Variants in KLK4 observed in about 807,000 individuals in gnomAD.
KLK4 encodes the protein kallikrein-4.
A neutral mutation model predicts 24.3 loss-of-function variants in KLK4; 24 were observed. The observed-to-expected ratio is 0.99, with a 90% confidence interval of 0.72 to 1.39. The LOEUF is 1.39. Among genes scored for constraint, KLK4 ranks in the 40% most tolerant of loss-of-function variants. The pLI is 0.00. For missense variants in KLK4, 344 were observed against 327.4 expected, an observed-to-expected ratio of 1.05 and a Z score of -0.39; for synonymous variants, 142 against 138.8, an observed-to-expected ratio of 1.02 and a Z score of -0.16.
chr19:50,908,007 C>A (rs7255024), intron 5 of KLK4: 27,252 of 398,964 alleles, frequency 0.068, 1,195 homozygotes, highest in South Asian at 0.14. Flanking sequence ...TGGTAAGGCT[C>A]CCCGTCAACA....
rs751998697 is a variant in KLK4 at position 50,908,531 on chromosome 19, G to A, written c.476-36C>T. 5 of 1,614,170 alleles carry A rather than the reference G, an allele frequency of 3.1e-6. No homozygotes were observed. In the Admixed American group the frequency reaches 6.7e-5, roughly 22 times the overall value. On this transcript the variant is annotated intron_variant, in intron 4 of 5. Transcript: ENST00000324041. The stretch of plus-strand genomic sequence containing the variant: ...GAGCTCTGGGTCAGCCCCCGCGACT[G>A]GGCAGAGGACCTCCTTGAAGAGGGC...
rs868173519 is a variant in KLK4 at position 50,908,761 on chromosome 19, T to C, written c.293A>G (p.Glu98Gly). 4 of 1,532,412 alleles carry C rather than the reference T, an allele frequency of 2.6e-6. No homozygotes were observed. The Admixed American group carries it at 7.9e-5, about 30-fold the overall frequency. 94.9% of individuals were successfully genotyped at this position (1,532,412 alleles called of 1,614,324 possible). A position where few individuals can be genotyped will look rare whatever the true frequency, so the allele number is the denominator to read the frequency against. Residue 98 changes from glutamate to glycine, a missense_variant, in exon 4 of 6, where the codon GAG becomes GGG. By Grantham distance (98) the Glu-to-Gly change is moderately conservative (BLOSUM62 -2). Transcript: ENST00000324041. ...TGGGTGCCGTACGGAGAGGCTGGCCTCCACCATCTGGCTCCCTGGCTCTTG... is the reference window on the plus strand; with the variant it reads ...TGGGTGCCGTACGGAGAGGCTGGCCCCCACCATCTGGCTCCCTGGCTCTTG...
chr19:50,907,195 C>A, intron 5 of KLK4, 109 bp from the exon 6 acceptor site: 1 of 1,103,976 alleles, frequency 9.1e-7, no homozygotes, highest in Non-Finnish European at 1.4e-6. Flanking sequence ...GAACCATCAT[C>A]AATAACAACA....
chr19:50,907,013 C>T (rs1426842111), exon 6 of KLK4: 1 of 1,614,140 alleles, frequency 6.2e-7, no homozygotes, highest in Non-Finnish European at 8.5e-7. Flanking sequence ...GCCAACTTGG[C>T]CACACGGGGC....
chr19:50,909,380 T>C lies in KLK4; in HGVS notation c.96A>G (p.Ile32Met), dbSNP rs764865754. ...AGTGCGGGCTGCAGTCCTCGCCGTT[T>C]ATGATTTGGCTGCAGCTACCAGAGA... The change falls in exon 3 of 6, where the codon ATA (isoleucine) becomes ATG (methionine). Residue 32 changes from isoleucine to methionine, a missense_variant. Physicochemically the swap from Ile to Met is conservative, Grantham distance 10 (BLOSUM62 1). Coordinates refer to ENST00000324041, the Ensembl canonical transcript of KLK4. 3 of 1,614,172 alleles carry C rather than the reference T, an allele frequency of 1.9e-6. No homozygotes were observed. In the South Asian group the frequency reaches 3.3e-5, roughly 18 times the overall value.
At chr19:50,909,105 C>T in intron 3 of KLK4, 147 bp downstream of exon 3, 3 of 1,382,104 alleles carry the variant, frequency 2.2e-6, no homozygotes, top group South Asian at 1.3e-5. Context: ...CCAGCCCTTC[C>T]CTCTGGGGCT....
At chr19:50,909,285 T>C in exon 3 of KLK4, 1 of 1,614,144 alleles carries the variant, frequency 6.2e-7, no homozygotes. Context: ...CAGCACCCAC[T>C]GCGGATGCAC....
chr19:50,907,952 T>C (rs1486284552), intron 5 of KLK4: 6 of 313,204 alleles, frequency 1.9e-5, no homozygotes, highest in South Asian at 6.2e-5. Context: ...CAAAGGTATA[T>C]CATGAATGCA....
intron 5 of KLK4, 107 bp downstream of exon 5, chr19:50,908,252 T>C: frequency 3.1e-6 from 4 of 1,307,062 alleles, no homozygotes; most frequent in South Asian, 1.2e-5. Flanking sequence ...ACTGTCTCCC[T>C]GTGTGTCTCT....
rs1454646353 is a variant in KLK4 at position 50,910,405 on chromosome 19, TATC to T, written c.61+270_61+272del. Among the ~76,000 whole-genome samples the T allele has an allele frequency of 2.6e-5, 4 of 151,940 alleles. No homozygotes were observed. In the East Asian group the frequency reaches 7.7e-4, roughly 29 times the overall value. On this transcript the variant is annotated intron_variant, in intron 2 of 5. Transcript: ENST00000324041. The surrounding 1 kb of genome is among the most constrained non-coding windows in gnomAD (Gnocchi z 4.4). ...GCACCCTCGGCTTCCCCTGTCCCCA[TATC>T]ATCATTACACTGTTGTCACTCCACC...
rs2090477149 is a variant in KLK4, at chr19:50,910,349, A to G, written c.61+329T>C. 6.6e-6 allele frequency among the ~76,000 whole-genome samples: 1 copy of G among 151,998 alleles called. No individual in the cohort carries two copies. The highest frequency in any genetic ancestry group is 2.4e-5 in the African/African-American group (1 of 41,364). On this transcript the variant is annotated intron_variant, in intron 2 of 5. Coordinates refer to ENST00000324041, the Ensembl canonical transcript of KLK4. The surrounding 1 kb of genome is among the most constrained non-coding windows in gnomAD (Gnocchi z 4.4). The stretch of plus-strand genomic sequence containing the variant: ...AGGAAGCAGGCACAGATTCCCAGCA[A>G]TGGATCACGCCCCAGGAAGCACAAT...
Position 50,910,682 on chromosome 19 carries a change from G to C in KLK4, c.57C>G (p.Val19=). 3.9e-6 allele frequency: 6 copies of C among 1,555,038 alleles called. No homozygotes were observed. The highest frequency in any genetic ancestry group is 5.2e-6 in the Non-Finnish European group (6 of 1,148,484). The change falls in exon 2 of 6, where the codon GTC becomes GTG. Residue 19 remains valine (V), a synonymous_variant. Coordinates refer to ENST00000324041, the Ensembl canonical transcript of KLK4. This position sits in a 1 kb window ranked among gnomAD's most constrained non-coding sequence, Gnocchi z 4.4. The stretch of plus-strand genomic sequence containing the variant: ...CACACACGCATACTCAGATACCTGC[G>C]ACACCAAGGATGAGGTACCCCAGGA...
chr19:50,910,491 C>T lies in KLK4; in HGVS notation c.61+187G>A, dbSNP rs988178036. On this transcript the variant is annotated intron_variant, in intron 2 of 5. Coordinates refer to ENST00000324041, the Ensembl canonical transcript of KLK4. The surrounding 1 kb of genome is among the most constrained non-coding windows in gnomAD (Gnocchi z 4.4). Reference sequence around the variant, plus strand: ...ACAGGTACAACCACACACCCAGGCACACTGCCACACACAAATTTACCACGA... The same window carrying T: ...ACAGGTACAACCACACACCCAGGCATACTGCCACACACAAATTTACCACGA... Among the ~76,000 whole-genome samples, 3 of 152,114 alleles carry T rather than the reference C, an allele frequency of 2.0e-5. No homozygotes were observed. The highest frequency in any genetic ancestry group is 4.4e-5 in the Non-Finnish European group (3 of 68,024).
In KLK4 at chr19:50,908,389, G is replaced by A. The variant is rs1206393318; in HGVS notation, c.582C>T (p.Gly194=). ...AGGAGTCCTTCTGGTCTTGCCCTCC[G>A]CCGGCGCAGAACATGCTGGGGTGGT... Residue 194 remains glycine, a synonymous_variant, in exon 5 of 6, where the codon GGC becomes GGT. Transcript: ENST00000324041. 2.5e-6 allele frequency: 4 copies of A among 1,613,580 alleles called. No homozygotes were observed. In the South Asian group the frequency reaches 3.3e-5, roughly 13 times the overall value.
chr19:50,908,397 A>G (rs758943845), exon 5 of KLK4: 1 of 1,613,902 alleles, frequency 6.2e-7, no homozygotes, highest in Admixed American at 1.7e-5. Context: ...CCGCCGGCGC[A>G]GAACATGCTG....
chr19:50,909,158 C>G, intron 3 of KLK4, 94 bp downstream of exon 3: 3 of 1,605,218 alleles, frequency 1.9e-6, no homozygotes, highest in Non-Finnish European at 2.6e-6. Context: ...AGAGCCTTCA[C>G]CGCTGTTTCC....
intron 3 of KLK4, 33 bp downstream of exon 3, chr19:50,909,219 G>C (rs2090463565): frequency 6.2e-7 from 1 of 1,613,850 alleles, no homozygotes. Flanking sequence ...CCCGGACCCA[G>C]GCCCTGCCCA....
rs892928508 is a variant in KLK4, at chr19:50,910,287, T to C, written c.61+391A>G. Among the ~76,000 whole-genome samples, 1 of 151,956 alleles carries C rather than the reference T, an allele frequency of 6.6e-6. No homozygotes were observed. The highest frequency in any genetic ancestry group is 2.1e-4 in the South Asian group (1 of 4,818). Reference sequence around the variant, plus strand: ...TTATAGTCCTGTGAGGTGAGTTCCTTGGGGATGGGAGAGGGGGATCTCAGG... The same window carrying C: ...TTATAGTCCTGTGAGGTGAGTTCCTCGGGGATGGGAGAGGGGGATCTCAGG... On this transcript the variant is annotated intron_variant, in intron 2 of 5. Coordinates refer to ENST00000324041, the Ensembl canonical transcript of KLK4. The surrounding 1 kb of genome is among the most constrained non-coding windows in gnomAD (Gnocchi z 4.4).
intron 1 of KLK4, among the ~76,000 whole-genome samples, chr19:50,911,025 G>A (rs2090484218): frequency 6.6e-6 from 1 of 152,160 alleles, no homozygotes; most frequent in Admixed American, 6.5e-5. Flanking sequence ...TCTGTGAATG[G>A]GGAGAGATGG....
Sources: gnomAD v4.1 joint callset for allele counts (sites outside exome capture counted in the v4.1 genomes callset) on GRCh38, gnomAD v4.1.1 for gene constraint, Gnocchi (gnomAD v3.1) non-coding constraint, MANE v1.5 for transcripts, NCBI Gene and HGNC (gene_info 2026-07-23, HGNC 2026-07-21) for gene names.